Variants in HPGDS observed in about 807,000 individuals in gnomAD.
HPGDS encodes the protein GST class-sigma.
In HPGDS, 26 loss-of-function variants were observed where a neutral mutation model predicts 23.1. That is an observed-to-expected ratio of 1.13 (90% CI 0.83 to 1.56). The LOEUF (loss-of-function observed/expected upper bound fraction) is 1.56. Among genes scored for constraint, HPGDS ranks in the 40% most tolerant of loss-of-function variants. The probability of loss-of-function intolerance (pLI) is 0.00; values close to 1 mark genes in which losing one functional copy is unlikely to be tolerated. For missense variants in HPGDS, 268 were observed against 236.4 expected, an observed-to-expected ratio of 1.13 and a Z score of -0.88; for synonymous variants, 95 against 77.9, an observed-to-expected ratio of 1.22 and a Z score of -1.16.
intron 1 of HPGDS, among the ~76,000 whole-genome samples, chr4:94,340,301 C>CT (rs763895285): frequency 3.1e-5 from 1 of 32,172 alleles, no homozygotes; most frequent in Non-Finnish European, 6.2e-5. Context: ...TTCTTTCTTT[C>CT]TTTCTTTCTC....
At chr4:94,309,534 G>A (rs1232962216) in intron 3 of HPGDS, among the ~76,000 whole-genome samples, 1 of 152,002 alleles carries the variant, frequency 6.6e-6, no homozygotes, top group Non-Finnish European at 1.5e-5. Flanking sequence ...TATCATTGTT[G>A]GACATTTGAC....
At chr4:94,324,202 T>C (rs917236535) in intron 2 of HPGDS, among the ~76,000 whole-genome samples, 8 of 152,186 alleles carry the variant, frequency 5.3e-5, no homozygotes, top group African/African-American at 1.9e-4. Context: ...ATTTTTTCCT[T>C]CATTTCAACC....
At chr4:94,312,799 G>A (rs1756303890) in intron 3 of HPGDS, among the ~76,000 whole-genome samples, 1 of 152,012 alleles carries the variant, frequency 6.6e-6, no homozygotes, top group Non-Finnish European at 1.5e-5. Context: ...CTAAGGACTT[G>A]GTTTATGAAA....
At chr4:94,312,524 T>A (rs1756296636) in intron 3 of HPGDS, among the ~76,000 whole-genome samples, 1 of 152,194 alleles carries the variant, frequency 6.6e-6, no homozygotes, top group African/African-American at 2.4e-5. Flanking sequence ...TGATTTCTGT[T>A]CTTTTACATT....
intron 4 of HPGDS, among the ~76,000 whole-genome samples, chr4:94,307,497 C>G (rs1047659628): frequency 6.6e-6 from 1 of 151,916 alleles, no homozygotes; most frequent in South Asian, 2.1e-4. Flanking sequence ...AGGATGTGCC[C>G]CCAAATAAAC....
chr4:94,320,775 C>T (rs1756489882), intron 2 of HPGDS, among the ~76,000 whole-genome samples: 1 of 152,168 alleles, frequency 6.6e-6, no homozygotes, highest in Admixed American at 6.5e-5. Context: ...AATTAGATCC[C>T]ATTTGTCAAT....
chr4:94,302,341 G>A (rs1756058937), intron 4 of HPGDS, 97 bp from the exon 5 acceptor site: 3 of 804,910 alleles, frequency 3.7e-6, no homozygotes, highest in Non-Finnish European at 6.1e-6. Flanking sequence ...TCTCCCACAT[G>A]AATTCAAGAA....
At position 94,311,848 on chromosome 4, in the gene HPGDS, C is replaced by T. The variant is rs186771298; in HGVS notation, c.227-3105G>A. 7.3e-4 allele frequency among the ~76,000 whole-genome samples: 111 copies of T among 151,368 alleles called. 2 individuals are homozygous for T. The highest frequency in any genetic ancestry group is 1.1e-3 in the Admixed American group (17 of 15,236). ...ATTGGACTATTCAGAGATTCAACTTCTTCCTGGTTTAGCCTTGGGAGGGTG... is the reference window on the plus strand; with the variant it reads ...ATTGGACTATTCAGAGATTCAACTTTTTCCTGGTTTAGCCTTGGGAGGGTG... On this transcript the variant is annotated intron_variant, in intron 3 of 5. Coordinates refer to ENST00000295256, the MANE Select transcript of HPGDS (RefSeq NM_014485.3).
At chr4:94,338,502 C>A (rs1721068826) in intron 1 of HPGDS, among the ~76,000 whole-genome samples, 1 of 152,140 alleles carries the variant, frequency 6.6e-6, no homozygotes, top group Admixed American at 6.5e-5. Context: ...GCATTTATAA[C>A]ATTATCACTC....
chr4:94,315,523 T>C (rs1053922964), intron 3 of HPGDS, among the ~76,000 whole-genome samples: 1 of 152,334 alleles, frequency 6.6e-6, no homozygotes, highest in Admixed American at 6.5e-5. Context: ...TCATTATTTT[T>C]GGTAATAAAT....
intron 3 of HPGDS, among the ~76,000 whole-genome samples, chr4:94,317,184 G>T (rs966733466): frequency 6.6e-6 from 1 of 152,136 alleles, no homozygotes; most frequent in Admixed American, 6.5e-5. Flanking sequence ...TGATTCTACA[G>T]ATTGATTGAA....
chr4:94,314,376 A>C lies in HPGDS; in HGVS notation c.226+3497T>G, dbSNP rs538482486. Among the ~76,000 whole-genome samples, 3 of 152,338 alleles carry C rather than the reference A, an allele frequency of 2.0e-5. No individual in the cohort carries two copies. In the East Asian group the frequency reaches 5.8e-4, roughly 29 times the overall value. On this transcript the variant is annotated intron_variant, in intron 3 of 5. Coordinates refer to ENST00000295256, the MANE Select transcript of HPGDS (RefSeq NM_014485.3). ...TTTAACAGTCAGGACCCTCAGCTGC[A>C]GGTCTGTTGGAGTTTGCCAGAGGTC...
Position 94,299,606 on chromosome 4 carries a change from G to A in HPGDS, c.474C>T (p.Thr158=), listed in dbSNP as rs572234505. 3 of 1,613,994 alleles carry A rather than the reference G, an allele frequency of 1.9e-6. No homozygotes were observed. The African/African-American group carries it at 4.0e-5, about 22-fold the overall frequency. ...WADFYWEICS[T]TLLVFKPDLL... is the part of the protein sequence containing the mutation. The stretch of plus-strand genomic sequence containing the variant: ...GGTCAGGCTTAAAGACCAAAAGTGT[G>A]GTACTGCAAATCTCCCAGTAGAAGT... The change falls in exon 6 of 6, where the codon ACC becomes ACT. Residue 158 remains threonine, a synonymous_variant. Transcript: ENST00000295256.
chr4:94,310,614 G>A (rs1756246687), intron 3 of HPGDS, among the ~76,000 whole-genome samples: 1 of 152,156 alleles, frequency 6.6e-6, no homozygotes, highest in Non-Finnish European at 1.5e-5. Context: ...ACTTGGCAAT[G>A]CAGGCTCTTT....
chr4:94,342,328 G>A (rs1159854957), intron 1 of HPGDS, among the ~76,000 whole-genome samples: 2 of 152,058 alleles, frequency 1.3e-5, no homozygotes, highest in African/African-American at 4.8e-5. Flanking sequence ...TCAAAACATG[G>A]AGATGCTTCA....
intron 2 of HPGDS, among the ~76,000 whole-genome samples, chr4:94,330,728 C>G (rs1233757835): frequency 1.3e-5 from 2 of 151,910 alleles, no homozygotes; most frequent in Non-Finnish European, 2.9e-5. Flanking sequence ...TATTTTTGTA[C>G]TTTTGGGAAA....
chr4:94,323,879 G>A (rs1286103187), intron 2 of HPGDS, among the ~76,000 whole-genome samples: 2 of 152,184 alleles, frequency 1.3e-5, no homozygotes, highest in African/African-American at 4.8e-5. Context: ...AATTTGGCAT[G>A]TTTTTGCAGG....
intron 4 of HPGDS, among the ~76,000 whole-genome samples, chr4:94,306,896 T>A (rs1756149779): frequency 6.6e-6 from 1 of 151,942 alleles, no homozygotes. Flanking sequence ...TTAAAGGAAA[T>A]GTCCTTGAAC....
chr4:94,310,263 G>A (rs181674093), intron 3 of HPGDS, among the ~76,000 whole-genome samples: 76 of 152,280 alleles, frequency 5.0e-4, no homozygotes, highest in African/African-American at 1.8e-3. Context: ...TATGGTTTTA[G>A]GTCTAACATT....
Sources: gnomAD v4.1 joint callset for allele counts (sites outside exome capture counted in the v4.1 genomes callset) on GRCh38, gnomAD v4.1.1 for gene constraint, MANE v1.5 for transcripts, NCBI Gene and HGNC (gene_info 2026-07-23, HGNC 2026-07-21) for gene names.